Variants in ZNF367 observed in about 807,000 individuals in gnomAD.
ZNF367 encodes C2H2 zinc finger protein ZFF29.
In ZNF367, 11 loss-of-function variants were observed where a neutral mutation model predicts 31.8. That is an observed-to-expected ratio of 0.35 (90% CI 0.22 to 0.57). The LOEUF is 0.57. Among genes scored for constraint, ZNF367 ranks in the 20% least tolerant of loss-of-function variants. The pLI is 0.85. For missense variants in ZNF367, 353 were observed against 484.1 expected (o/e 0.73, Z 2.54); for synonymous variants, 199 against 202.4 (o/e 0.98, Z 0.14).
chr9:96,404,124 C>T (rs1831641373), intron 1 of ZNF367, among the ~76,000 whole-genome samples: 1 of 152,038 alleles, frequency 6.6e-6, no homozygotes, highest in Admixed American at 6.6e-5. Flanking sequence ...GATCATGCCA[C>T]TGCATTCCAG....
intron 1 of ZNF367, among the ~76,000 whole-genome samples, chr9:96,408,268 A>C (rs1398000005): frequency 6.6e-6 from 1 of 152,218 alleles, no homozygotes; most frequent in Admixed American, 6.5e-5. Context: ...TACATATACA[A>C]AAGAAATGAA....
At chr9:96,394,744 CAAA>C in intron 3 of ZNF367, 76 bp downstream of exon 3, 1 of 1,373,620 alleles carries the variant, frequency 7.3e-7, no homozygotes, top group African/African-American at 1.5e-5. Flanking sequence ...TCTTTCCCCT[CAAA>C]AAAATTCAAG....
At position 96,398,304 on chromosome 9, in the gene ZNF367, C is replaced by T; in HGVS notation, c.431G>A (p.Arg144Gln). The change falls in exon 2 of 5, where the codon CGA (arginine) becomes CAA (glutamine). Residue 144 changes from arginine to glutamine, a missense_variant. By Grantham distance (43) the Arg-to-Gln change is conservative. Transcript: ENST00000375256. ...PDSGHLKDGIRRGRPRADTVR... is the reference protein window; with the variant it reads ...PDSGHLKDGIQRGRPRADTVR... Reference sequence around the variant, plus strand: ...AGTATCTGCTCTGGGCCTACCACGTCGGATTCCATCCTGTTGATAATTTTT... The same window carrying T: ...AGTATCTGCTCTGGGCCTACCACGTTGGATTCCATCCTGTTGATAATTTTT... 6.2e-7 allele frequency: 1 copy of T among 1,603,740 alleles called. No homozygotes were observed. Among genetic ancestry groups the T allele is most frequent in the Non-Finnish European group, 8.5e-7 (1 of 1,176,404 alleles).
At position 96,387,506 on chromosome 9, in the gene ZNF367, T is replaced by G. The variant is rs1401425017; in HGVS notation, c.*731A>C. On this transcript the variant is annotated 3_prime_UTR_variant, in exon 5 of 5. Transcript: ENST00000375256. ...ACTCAATTTCAGCAAATGAGAAATA[T>G]GAAATGTGCAAAAGTTCCCAAGTTA... 12 of 152,210 alleles carry G rather than the reference T, an allele frequency of 7.9e-5. No homozygotes were observed. Among genetic ancestry groups the G allele is most frequent in the Non-Finnish European group, 1.8e-4 (12 of 68,034 alleles). 9.4% of individuals were successfully genotyped at this position (152,210 alleles called of 1,614,324 possible). A position where few individuals can be genotyped will look rare whatever the true frequency, so the allele number is the denominator to read the frequency against.
Position 96,412,174 on chromosome 9 carries a change from G to A in ZNF367, c.420+5439C>T, listed in dbSNP as rs558798898. ...GAAAACCATGTTTCTAGGCATCTTC[G>A]GACAATTACAGAGTGTTACACTCAG... On this transcript the variant is annotated intron_variant, in intron 1 of 4. Coordinates refer to ENST00000375256, the MANE Select transcript of ZNF367 (RefSeq NM_153695.4). Among the ~76,000 whole-genome samples the A allele has an allele frequency of 6.1e-4, 93 of 152,188 alleles. 1 individual carries two copies. Among genetic ancestry groups the A allele is most frequent in the African/African-American group, 2.2e-3 (91 of 41,518 alleles).
At chr9:96,392,930 C>T (rs576105845) in intron 3 of ZNF367, among the ~76,000 whole-genome samples, 23 of 152,194 alleles carry the variant, frequency 1.5e-4, no homozygotes, top group Admixed American at 2.6e-4. Flanking sequence ...ACTAAAAATA[C>T]GAAAATTAGC....
chr9:96,413,145 C>G (rs1263614945), intron 1 of ZNF367, among the ~76,000 whole-genome samples: 1 of 152,226 alleles, frequency 6.6e-6, no homozygotes, highest in African/African-American at 2.4e-5. Context: ...CCGATCAGTT[C>G]TGCCACTTAC....
At chr9:96,390,884 G>GA (rs34868065) in intron 4 of ZNF367, among the ~76,000 whole-genome samples, 12,505 of 56,480 alleles carry the variant, frequency 0.22, 1,838 homozygotes, top group East Asian at 0.51. Flanking sequence ...ACCCTGTCTC[G>GA]AAAAAAAAAA....
chr9:96,403,253 C>T (rs1831630585), intron 1 of ZNF367, among the ~76,000 whole-genome samples: 1 of 152,156 alleles, frequency 6.6e-6, no homozygotes, highest in Admixed American at 6.6e-5. Flanking sequence ...CAAGCATGAG[C>T]CCCCGTGCCC....
chr9:96,392,011 C>T (rs946521429), intron 4 of ZNF367, among the ~76,000 whole-genome samples: 4 of 152,200 alleles, frequency 2.6e-5, no homozygotes, highest in African/African-American at 9.7e-5. Flanking sequence ...AACTCCTGAC[C>T]TCAGGCGATC....
At position 96,387,576 on chromosome 9, in the gene ZNF367, T is replaced by C. The variant is rs974554998; in HGVS notation, c.*661A>G. The C allele has an allele frequency of 4.6e-5, 7 of 152,208 alleles. No homozygotes were observed. Among genetic ancestry groups the C allele is most frequent in the African/African-American group, 1.7e-4 (7 of 41,464 alleles). 9.4% of individuals were successfully genotyped at this position (152,208 alleles called of 1,614,324 possible). ...TGCTTTTCAAACTTAAACATTATAC[T>C]GAGTTGTAAAGCCCCAGATAGAATA... On this transcript the variant is annotated 3_prime_UTR_variant, in exon 5 of 5. Transcript: ENST00000375256.
rs1831557942 is a variant in ZNF367, at chr9:96,398,146, A to C, written c.571+18T>G. 7.5e-7 allele frequency: 1 copy of C among 1,333,558 alleles called. No homozygotes were observed. Among genetic ancestry groups the C allele is most frequent in the East Asian group, 2.8e-5 (1 of 35,464 alleles). The allele number at this position is 1,333,558 out of a possible 1,614,324, so 82.6% of individuals were successfully genotyped here. On this transcript the variant is annotated intron_variant, in intron 2 of 4. Transcript: ENST00000375256. ...AAGTGTTACTTCTGGCAGTCTCTAT[A>C]AAATTTGCTCAACTTACCTGTATGA...
chr9:96,401,687 G>T (rs1160556002), intron 1 of ZNF367, among the ~76,000 whole-genome samples: 1 of 151,090 alleles, frequency 6.6e-6, no homozygotes, highest in African/African-American at 2.4e-5. Flanking sequence ...AATTAGCCAG[G>T]TGTAGTGGCG....
chr9:96,414,541 G>A (rs1001287351), intron 1 of ZNF367, among the ~76,000 whole-genome samples: 17 of 151,962 alleles, frequency 1.1e-4, no homozygotes, highest in African/African-American at 3.6e-4. Context: ...GCAGTTGCAC[G>A]ATCTCGGCTC....
At chr9:96,416,072 GTTT>G (rs796791097) in intron 1 of ZNF367, among the ~76,000 whole-genome samples, 27 of 139,554 alleles carry the variant, frequency 1.9e-4, no homozygotes, top group Middle Eastern at 3.8e-3. Flanking sequence ...CTCTGTTATG[GTTT>G]TTTTTTTTGT....
chr9:96,403,012 C>G (rs1831627325), intron 1 of ZNF367, among the ~76,000 whole-genome samples: 1 of 151,910 alleles, frequency 6.6e-6, no homozygotes, highest in African/African-American at 2.4e-5. Flanking sequence ...CTCTGTTGCC[C>G]AGGCCCGAGT....
rs1831443879 is a variant in ZNF367, at chr9:96,389,502, GGGGGGAA to G, written c.831-1050_831-1044del. Among the ~76,000 whole-genome samples the G allele has an allele frequency of 6.6e-5, 10 of 151,894 alleles. No homozygotes were observed. The South Asian group carries it at 2.1e-3, about 32-fold the overall frequency. ...TAGTGACAGCAGATCAGTGTTGTATGGGGGGAAGGGGGACAGGGAGGAATGTGTAGTT... is the reference window on the plus strand; with the variant it reads ...TAGTGACAGCAGATCAGTGTTGTATGGGGGGACAGGGAGGAATGTGTAGTT... On this transcript the variant is annotated intron_variant, in intron 4 of 4. Transcript: ENST00000375256.
chr9:96,416,087 G>GTTTTTTTTTTTTT (rs34500193), intron 1 of ZNF367, among the ~76,000 whole-genome samples: 1 of 125,066 alleles, frequency 8.0e-6, no homozygotes, highest in Non-Finnish European at 1.7e-5. Flanking sequence ...TTTTTTTGTT[G>GTTTTTTTTTTTTT]TTTTTTTTTT....
Position 96,403,950 on chromosome 9 carries a change from T to C in ZNF367, c.421-5636A>G, listed in dbSNP as rs1831639961. Among the ~76,000 whole-genome samples the C allele has an allele frequency of 2.6e-5, 4 of 152,156 alleles. No individual in the cohort carries two copies. In the South Asian group the frequency reaches 8.3e-4, roughly 32 times the overall value. The stretch of plus-strand genomic sequence containing the variant: ...AGCCCATGCCTGTAATCCCAGCACT[T>C]TGGGAGGCCAAGGTGGGTGGATTGT... On this transcript the variant is annotated intron_variant, in intron 1 of 4. Coordinates refer to ENST00000375256, the MANE Select transcript of ZNF367 (RefSeq NM_153695.4).
Sources: gnomAD v4.1 joint callset for allele counts (sites outside exome capture counted in the v4.1 genomes callset) on GRCh38, gnomAD v4.1.1 for gene constraint, MANE v1.5 for transcripts, NCBI Gene and HGNC (gene_info 2026-07-23, HGNC 2026-07-21) for gene names.